BFSP1: variants seen among roughly 807,000 people sequenced by gnomAD.
BFSP1 encodes filensin.
A neutral mutation model predicts 43.9 loss-of-function variants in BFSP1; 38 were observed. That is an observed-to-expected ratio of 0.87 (90% CI 0.67 to 1.14). BFSP1 has a LOEUF of 1.14. Among genes scored for constraint, BFSP1 ranks in the 50% most tolerant of loss-of-function variants. The pLI, the probability that BFSP1 is intolerant of heterozygous loss-of-function variation, is 0.00. For missense variants in BFSP1, 850 were observed against 875.1 expected, an observed-to-expected ratio of 0.97 and a Z score of 0.36; for synonymous variants, 352 against 354.8, an observed-to-expected ratio of 0.99 and a Z score of 0.09.
intron 1 of BFSP1, among the ~76,000 whole-genome samples, chr20:17,568,995 C>G (rs150158953): frequency 2.6e-5 from 4 of 152,188 alleles, no homozygotes; most frequent in Admixed American, 2.0e-4. Context: ...GTGTTTCCGA[C>G]GCAACCGCCC....
intron 7 of BFSP1, 125 bp downstream of exon 7, chr20:17,496,813 T>C (rs1004971428): frequency 1.2e-6 from 1 of 866,658 alleles, no homozygotes; most frequent in South Asian, 1.8e-5. Context: ...GGAGTCCTCC[T>C]TCACATAAAA....
chr20:17,540,117 G>A (rs1279481190), intron 1 of BFSP1, among the ~76,000 whole-genome samples: 4 of 151,998 alleles, frequency 2.6e-5, no homozygotes, highest in South Asian at 2.1e-4. Flanking sequence ...ACAGAAGTTC[G>A]CCATTGTTTA....
At chr20:17,534,945 G>T (rs535880717), upstream of BFSP1, among the ~76,000 whole-genome samples, 19 of 152,078 alleles carry the variant, frequency 1.2e-4, no homozygotes, top group Middle Eastern at 3.4e-3. Context: ...CCTTGAATCC[G>T]GAGGGGTAGA....
intron 1 of BFSP1, among the ~76,000 whole-genome samples, chr20:17,529,568 C>CA (rs975165207): frequency 5.0e-4 from 73 of 146,104 alleles, no homozygotes; most frequent in South Asian, 1.3e-3. Flanking sequence ...TTTATGCAAG[C>CA]AAAAAAAAAA....
At chr20:17,527,744 TAAAATAA>T (rs1249610981) in intron 1 of BFSP1, among the ~76,000 whole-genome samples, 3 of 116,796 alleles carry the variant, frequency 2.6e-5, no homozygotes, top group Admixed American at 2.5e-4. Context: ...AATAATAAAA[TAAAATAA>T]GAGAGAGAGA....
At chr20:17,568,527 T>C (rs568458239) in intron 1 of BFSP1, among the ~76,000 whole-genome samples, 1 of 152,064 alleles carries the variant, frequency 6.6e-6, no homozygotes, top group African/African-American at 2.4e-5. Context: ...TAGGAGTTGT[T>C]AGAAATGCCC....
rs1300874552 is a variant in BFSP1, at chr20:17,531,249, G to C, written c.81C>G (p.Pro27=). 5 of 1,420,692 alleles carry C rather than the reference G, an allele frequency of 3.5e-6. No homozygotes were observed. In the Admixed American group the frequency reaches 1.1e-4, roughly 30 times the overall value. The allele number at this position is 1,420,692 out of a possible 1,614,324, so 88.0% of individuals were successfully genotyped here. The part of the protein sequence containing the change: ...HADEASRAAE[P]ERPADEGWAG... ...CCCAGCCCTCGTCGGCCGGGCGCTC[G>C]GGCTCGGCGGCGCGCGAAGCCTCGT... The change falls in exon 1 of 8, where the codon CCC becomes CCG. Residue 27 remains proline, a synonymous_variant. Transcript: ENST00000377873.
In BFSP1 at chr20:17,514,733, G is replaced by A; in HGVS notation, c.522C>T (p.Asp174=). 1 of 1,613,994 alleles carries A rather than the reference G, an allele frequency of 6.2e-7. No homozygotes were observed. Reference sequence around the variant, plus strand: ...GGGTCATGATTACCTTCTTGTGCCTGTCCTTTGCCGCACTGATATCATCTT... The same window carrying A: ...GGGTCATGATTACCTTCTTGTGCCTATCCTTTGCCGCACTGATATCATCTT... ...FLQDDISAAK[D]RHKKNLLEVQ... is the part of the protein sequence containing the mutation. The change falls in exon 3 of 8, where the codon GAC becomes GAT. Residue 174 remains aspartate, a synonymous_variant. Transcript: ENST00000377873.
intron 5 of BFSP1, among the ~76,000 whole-genome samples, chr20:17,500,495 G>A (rs897981151): frequency 1.3e-5 from 2 of 152,322 alleles, no homozygotes; most frequent in South Asian, 2.1e-4. Context: ...GGACGCCGGC[G>A]TAAACAGACT....
At chr20:17,560,081 C>T (rs143295013), upstream of BFSP1, among the ~76,000 whole-genome samples, 30 of 151,816 alleles carry the variant, frequency 2.0e-4, no homozygotes, top group East Asian at 5.0e-3. Context: ...TTGGCTGAAC[C>T]ATCATTTGAC....
At chr20:17,498,727 C>T in intron 6 of BFSP1, 93 bp downstream of exon 6, 1 of 1,391,232 alleles carries the variant, frequency 7.2e-7, no homozygotes, top group South Asian at 1.3e-5. Context: ...TGACACATGC[C>T]CACTGCCTAT....
At chr20:17,547,897 A>ATTTTTT (rs71192391) in intron 1 of BFSP1, among the ~76,000 whole-genome samples, 8 of 101,874 alleles carry the variant, frequency 7.9e-5, no homozygotes, top group African/African-American at 1.2e-4. Flanking sequence ...TGCCCGGCCA[A>ATTTTTT]TTTTTTTTTT....
chr20:17,551,718 C>T (rs764136140), intron 1 of BFSP1, among the ~76,000 whole-genome samples: 4 of 152,178 alleles, frequency 2.6e-5, no homozygotes, highest in Non-Finnish European at 4.4e-5. Flanking sequence ...TGTGACGGCT[C>T]ACACCTGTAA....
intron 2 of BFSP1, among the ~76,000 whole-genome samples, chr20:17,523,993 C>T (rs571321692): frequency 3.3e-5 from 5 of 152,078 alleles, no homozygotes; most frequent in South Asian, 2.1e-4. Flanking sequence ...GAAGAGTCTG[C>T]GGTTTTGTCA....
intron 2 of BFSP1, among the ~76,000 whole-genome samples, chr20:17,519,851 A>C (rs1339809291): frequency 1.3e-5 from 2 of 152,242 alleles, no homozygotes; most frequent in African/African-American, 4.8e-5. Flanking sequence ...ACAGCTGCTG[A>C]TACGCTGAGG....
At chr20:17,506,523 TTC>T (rs1215041374) in intron 5 of BFSP1, among the ~76,000 whole-genome samples, 40 of 150,268 alleles carry the variant, frequency 2.7e-4, no homozygotes, top group African/African-American at 8.2e-4. Flanking sequence ...TATAATTAGT[TTC>T]TTTTTTTTTT....
intron 1 of BFSP1, among the ~76,000 whole-genome samples, chr20:17,547,897 A>ATTTTTTTTTTTT (rs71192391): frequency 5.0e-4 from 51 of 101,892 alleles, no homozygotes; most frequent in African/African-American, 8.9e-4. Context: ...TGCCCGGCCA[A>ATTTTTTTTTTTT]TTTTTTTTTT....
At chr20:17,563,960 G>C (rs2035092070), upstream of BFSP1, among the ~76,000 whole-genome samples, 1 of 150,906 alleles carries the variant, frequency 6.6e-6, no homozygotes, top group South Asian at 2.1e-4. Context: ...AAATGTGGAA[G>C]TAATAGCTGG....
At position 17,502,085 on chromosome 20, in the gene BFSP1, G is replaced by A. The variant is rs529386959; in HGVS notation, c.736-3045C>T. Among the ~76,000 whole-genome samples the A allele has an allele frequency of 3.8e-4, 58 of 152,240 alleles. 1 individual carries two copies. The South Asian group carries it at 1.0e-2, about 26-fold the overall frequency. On this transcript the variant is annotated intron_variant, in intron 5 of 7. Coordinates refer to ENST00000377873, the MANE Select transcript of BFSP1 (RefSeq NM_001195.5). ...AGAGATGGAAAAGGAGACGGAGAGC[G>A]GCTGCCTCAGCTCCCAGTTCCTGGT...
Sources: allele counts gnomAD v4.1 joint callset (sites outside exome capture counted in the v4.1 genomes callset), GRCh38; gene constraint gnomAD v4.1.1; transcripts MANE v1.5; gene names NCBI Gene and HGNC (gene_info 2026-07-23, HGNC 2026-07-21).